RPSA2: variants seen among roughly 807,000 people sequenced by gnomAD.
RPSA2 encodes small ribosomal subunit protein uS2B.
chr19:23,799,017 AT>A, the RPSA2 span: 2 of 152,230 alleles, frequency 1.3e-5, no homozygotes, highest in African/African-American at 2.4e-5. Flanking sequence ...GATAGAAAAA[AT>A]ATTTTATGAT....
At chr19:23,810,210 G>A in the RPSA2 span, among the ~76,000 whole-genome samples, 1 of 151,922 alleles carries the variant, frequency 6.6e-6, no homozygotes, top group African/African-American at 2.4e-5. Context: ...TGGCTAACTC[G>A]GTGAAACCCC....
the RPSA2 span, among the ~76,000 whole-genome samples, chr19:23,800,972 G>T: frequency 1.0e-3 from 155 of 152,226 alleles, 4 homozygotes; most frequent in East Asian, 0.026. Context: ...AATGACTCTT[G>T]TATCTTCAGA....
At chr19:23,763,515 C>A in the RPSA2 span, among the ~76,000 whole-genome samples, 1 of 152,180 alleles carries the variant, frequency 6.6e-6, no homozygotes, top group Non-Finnish European at 1.5e-5. Flanking sequence ...CTTGCTCTGT[C>A]GCCCAGGCTG....
At chr19:23,823,267 A>G in the RPSA2 span, among the ~76,000 whole-genome samples, 1 of 152,122 alleles carries the variant, frequency 6.6e-6, no homozygotes, top group Non-Finnish European at 1.5e-5. Flanking sequence ...TCCCCAATAC[A>G]GCACAACACA....
the RPSA2 span, among the ~76,000 whole-genome samples, chr19:23,834,275 C>A: frequency 6.6e-6 from 1 of 151,632 alleles, no homozygotes; most frequent in East Asian, 1.9e-4. Flanking sequence ...AGGTTTTTTT[C>A]GAAGTGAATA....
At chr19:23,848,158 T>G in the RPSA2 span, among the ~76,000 whole-genome samples, 1 of 152,182 alleles carries the variant, frequency 6.6e-6, no homozygotes, top group East Asian at 1.9e-4. Flanking sequence ...TAAAGTAAGA[T>G]AGGCATAAGA....
the RPSA2 span, chr19:23,807,916 G>A: frequency 2.8e-6 from 1 of 352,832 alleles, no homozygotes; most frequent in Non-Finnish European, 5.7e-6. Context: ...ATAGAGGAAT[G>A]TTATGAAAAC....
the RPSA2 span, among the ~76,000 whole-genome samples, chr19:23,806,866 TA>T: frequency 1.5e-4 from 23 of 151,952 alleles, no homozygotes. Context: ...AAGTCACTAT[TA>T]AAAATTGTAG....
At chr19:23,772,787 C>G in the RPSA2 span, among the ~76,000 whole-genome samples, 1 of 152,296 alleles carries the variant, frequency 6.6e-6, no homozygotes, top group East Asian at 1.9e-4. Flanking sequence ...ATATGAGCCT[C>G]CAGCCACAGT....
the RPSA2 span, among the ~76,000 whole-genome samples, chr19:23,862,447 T>A: frequency 7.9e-5 from 12 of 151,526 alleles, no homozygotes; most frequent in African/African-American, 2.7e-4. Context: ...GGCATCCCTG[T>A]CTTGTGCCAG....
the RPSA2 span, among the ~76,000 whole-genome samples, chr19:23,797,027 A>G: frequency 1.5e-5 from 2 of 131,930 alleles, no homozygotes; most frequent in Non-Finnish European, 3.5e-5. Flanking sequence ...TTTAGCATTA[A>G]ATGCTATAAA....
chr19:23,833,107 C>G, the RPSA2 span: 1 of 1,249,788 alleles, frequency 8.0e-7, no homozygotes, highest in South Asian at 1.5e-5. Flanking sequence ...CTTTACTAAA[C>G]ATAAGGTAAT....
chr19:23,816,102 A>C, the RPSA2 span, among the ~76,000 whole-genome samples: 1 of 144,094 alleles, frequency 6.9e-6, no homozygotes, highest in Non-Finnish European at 1.5e-5. Context: ...AAAGCATTTT[A>C]TTTTTTCTTT....
chr19:23,762,501 C>T, the RPSA2 span, among the ~76,000 whole-genome samples: 2 of 151,356 alleles, frequency 1.3e-5, no homozygotes, highest in African/African-American at 4.9e-5. Context: ...CATGGTGAAA[C>T]CTCATCTCTA....
At chr19:23,823,327 G>A in the RPSA2 span, among the ~76,000 whole-genome samples, 1 of 152,080 alleles carries the variant, frequency 6.6e-6, no homozygotes, top group Non-Finnish European at 1.5e-5. Flanking sequence ...CCTTGCAGGA[G>A]TTTTCAGACA....
At chr19:23,860,195 C>A in the RPSA2 span, among the ~76,000 whole-genome samples, 1 of 152,050 alleles carries the variant, frequency 6.6e-6, no homozygotes, top group African/African-American at 2.4e-5. Flanking sequence ...GAGCTGAGCC[C>A]CCATCATAAT....
At chr19:23,835,175 CATTT>C in the RPSA2 span, among the ~76,000 whole-genome samples, 1 of 150,566 alleles carries the variant, frequency 6.6e-6, no homozygotes, top group South Asian at 2.1e-4. Context: ...AAAATCCATA[CATTT>C]CTGAGTCCTT....
the RPSA2 span, among the ~76,000 whole-genome samples, chr19:23,842,110 C>G: frequency 0.011 from 1,734 of 152,242 alleles, 14 homozygotes; most frequent in Non-Finnish European, 0.018. Flanking sequence ...TATAGTAACT[C>G]AGGTCTCATC....
the RPSA2 span, among the ~76,000 whole-genome samples, chr19:23,805,033 G>GACAGTGTGGCTTAGGTAAGGACAGT: frequency 6.6e-6 from 1 of 152,120 alleles, no homozygotes; most frequent in African/African-American, 2.4e-5. Flanking sequence ...TTAAGGACAG[G>GACAGTGTGGCTTAGGTAAGGACAGT]ACAGTGTGGC....
Sources: gnomAD v4.1 joint callset for allele counts (sites outside exome capture counted in the v4.1 genomes callset) on GRCh38, gnomAD v4.1.1 for gene constraint, MANE v1.5 for transcripts, NCBI Gene and HGNC (gene_info 2026-07-23, HGNC 2026-07-21) for gene names.